Variants in RBMS3 observed in about 807,000 individuals in gnomAD.
RBMS3 encodes the protein RNA-binding motif, single-stranded-interacting protein 3.
Under a neutral mutation model 66.8 loss-of-function variants are expected in RBMS3, and 27 were observed. That is an observed-to-expected ratio of 0.40 (90% CI 0.30 to 0.56). The LOEUF (loss-of-function observed/expected upper bound fraction) is 0.56, where lower values mean the gene tolerates loss of function less well. Among genes scored for constraint, RBMS3 ranks in the 20% least tolerant of loss-of-function variants. The pLI is 0.40. For missense variants in RBMS3, 513 were observed against 549.5 expected (o/e 0.93, Z 0.66); for synonymous variants, 188 against 183.0 (o/e 1.03, Z -0.22).
At chr3:29,856,026 A>G (rs866814578) in intron 6 of RBMS3, among the ~76,000 whole-genome samples, 3 of 152,374 alleles carry the variant, frequency 2.0e-5, no homozygotes, top group African/African-American at 4.8e-5. Context: ...AGAAGTGTAT[A>G]TAATAGACTC....
At position 29,511,091 on chromosome 3, in the gene RBMS3, G is replaced by A. The variant is rs531476392; in HGVS notation, c.307+22592G>A. ...AGGTGGGTGGATCACTAGGTGAGGA[G>A]ATCAAGACCTATTGGCTAACATGGT... On this transcript the variant is annotated intron_variant, in intron 3 of 14. Transcript: ENST00000383767. Among the ~76,000 whole-genome samples, 19 of 152,246 alleles carry A rather than the reference G, an allele frequency of 1.2e-4. No individual in the cohort carries two copies. The South Asian group carries it at 3.9e-3, about 32-fold the overall frequency.
intron 6 of RBMS3, among the ~76,000 whole-genome samples, chr3:29,831,232 T>C (rs932409133): frequency 6.6e-6 from 1 of 152,178 alleles, no homozygotes; most frequent in Non-Finnish European, 1.5e-5. Flanking sequence ...CAAAGATGAA[T>C]GAGTATATTT....
intron 1 of RBMS3, among the ~76,000 whole-genome samples, chr3:29,405,491 G>C (rs4680829): frequency 6.6e-6 from 1 of 152,038 alleles, no homozygotes; most frequent in African/African-American, 2.4e-5. Context: ...GCAAATCAGG[G>C]TACATTATTT....
chr3:29,582,121 G>T (rs979438546), intron 3 of RBMS3, among the ~76,000 whole-genome samples: 1 of 151,772 alleles, frequency 6.6e-6, no homozygotes, highest in South Asian at 2.1e-4. Flanking sequence ...GAACCATCTG[G>T]ACACTACTAT....
chr3:29,471,991 C>T (rs1002140553), intron 2 of RBMS3, among the ~76,000 whole-genome samples: 4 of 152,014 alleles, frequency 2.6e-5, no homozygotes, highest in Admixed American at 2.0e-4. Context: ...ATCTCATCCT[C>T]ACTAGAAAAC....
At chr3:29,464,271 T>A (rs1559382209) in intron 2 of RBMS3, among the ~76,000 whole-genome samples, 2 of 152,112 alleles carry the variant, frequency 1.3e-5, no homozygotes, top group Non-Finnish European at 1.5e-5. Flanking sequence ...TTCATGGTCT[T>A]GAGAAATGAT....
intron 10 of RBMS3, among the ~76,000 whole-genome samples, chr3:29,911,750 T>C (rs1054519060): frequency 3.3e-5 from 5 of 152,034 alleles, no homozygotes; most frequent in Non-Finnish European, 7.4e-5. Flanking sequence ...AGTAAGATGA[T>C]AGAGATTCTA....
intron 3 of RBMS3, among the ~76,000 whole-genome samples, chr3:29,517,216 A>G (rs1254216162): frequency 1.3e-5 from 2 of 152,012 alleles, no homozygotes; most frequent in African/African-American, 4.8e-5. Flanking sequence ...ATGTCTCTAA[A>G]AAAAGAAAAG....
intron 4 of RBMS3, among the ~76,000 whole-genome samples, chr3:29,669,920 T>TA (rs1186935288): frequency 6.6e-6 from 1 of 152,206 alleles, no homozygotes; most frequent in Non-Finnish European, 1.5e-5. Context: ...GAATAAATCT[T>TA]ACACTGGTGT....
chr3:29,522,781 T>C (rs1169731447), intron 3 of RBMS3, among the ~76,000 whole-genome samples: 2 of 152,148 alleles, frequency 1.3e-5, no homozygotes, highest in Admixed American at 6.5e-5. Context: ...CAAAGGAGTC[T>C]GGAAAAGGTA....
At chr3:29,661,064 T>A (rs1445226579) in intron 4 of RBMS3, among the ~76,000 whole-genome samples, 3 of 152,206 alleles carry the variant, frequency 2.0e-5, no homozygotes, top group Non-Finnish European at 4.4e-5. Context: ...GGAGCATGCG[T>A]ACAGCTACCT....
chr3:29,544,077 T>A (rs946245234), intron 3 of RBMS3, among the ~76,000 whole-genome samples: 1 of 152,128 alleles, frequency 6.6e-6, no homozygotes, highest in Admixed American at 6.5e-5. Flanking sequence ...ATTGTCAAGT[T>A]GTCATTGCTT....
intron 1 of RBMS3, among the ~76,000 whole-genome samples, chr3:29,401,430 C>T (rs921878574): frequency 1.3e-5 from 2 of 152,046 alleles, no homozygotes; most frequent in African/African-American, 4.8e-5. Flanking sequence ...CCTAACATTT[C>T]TCAGAAGGAT....
At chr3:29,717,518 A>G (rs1317014347) in intron 4 of RBMS3, among the ~76,000 whole-genome samples, 1 of 152,148 alleles carries the variant, frequency 6.6e-6, no homozygotes, top group East Asian at 1.9e-4. Flanking sequence ...AATTTTTGGC[A>G]AAACCATGAG....
Position 29,962,551 on chromosome 3 carries a change from C to CATATATATATATATATATATATATATAT in RBMS3, c.1098+18314_1098+18315insTATATATATATATATATATATATATATA, listed in dbSNP as rs148691765. ...TCTGTTTTTAATATGGGTCAAGACTCATATATATATATATATAATACCATA... is the reference window on the plus strand; with the variant it reads ...TCTGTTTTTAATATGGGTCAAGACTCATATATATATATATATATATATATATATATATATATATATATATAATACCATA... On this transcript the variant is annotated intron_variant, in intron 12 of 14. Coordinates refer to ENST00000383767, the MANE Select transcript of RBMS3 (RefSeq NM_001003793.3). 3.5e-3 allele frequency among the ~76,000 whole-genome samples: 473 copies of CATATATATATATATATATATATATATAT among 134,904 alleles called. 20 individuals carry two copies. The highest frequency in any genetic ancestry group is 0.014 in the South Asian group (57 of 3,952). The allele number at this position is 134,904 out of a possible 152,430, so 88.5% of individuals were successfully genotyped here.
chr3:29,934,425 A>C (rs1030761578), intron 10 of RBMS3, among the ~76,000 whole-genome samples: 1 of 152,096 alleles, frequency 6.6e-6, no homozygotes, highest in African/African-American at 2.4e-5. Context: ...CTGGTCTGGC[A>C]CAACAAATAC....
intron 5 of RBMS3, among the ~76,000 whole-genome samples, chr3:29,747,390 GTAGATAGA>G (rs56736478): frequency 0.27 from 37,770 of 140,794 alleles, 5,307 homozygotes; most frequent in Non-Finnish European, 0.31. Flanking sequence ...AGGTAGGTAG[GTAGATAGA>G]TAGATAGATA....
chr3:29,761,799 A>C (rs552327341), intron 5 of RBMS3, among the ~76,000 whole-genome samples: 1 of 152,314 alleles, frequency 6.6e-6, no homozygotes, highest in South Asian at 2.1e-4. Context: ...TATTAATAAC[A>C]GCAGAAAATC....
At chr3:29,436,676 T>C (rs2041416266) in intron 2 of RBMS3, among the ~76,000 whole-genome samples, 1 of 152,226 alleles carries the variant, frequency 6.6e-6, no homozygotes, top group African/African-American at 2.4e-5. Context: ...AATTTATATT[T>C]GAAACTCATT....
Sources: allele counts gnomAD v4.1 joint callset (sites outside exome capture counted in the v4.1 genomes callset), GRCh38; gene constraint gnomAD v4.1.1; transcripts MANE v1.5; gene names NCBI Gene and HGNC (gene_info 2026-07-23, HGNC 2026-07-21).